Variants in CFAP20DC observed in about 807,000 individuals in gnomAD.
CFAP20DC encodes CFAP20 domain containing.
A neutral mutation model predicts 101.7 loss-of-function variants in CFAP20DC; 84 were observed. That is an observed-to-expected ratio of 0.83 (90% CI 0.69 to 0.99). The LOEUF (loss-of-function observed/expected upper bound fraction) is 0.99. CFAP20DC is among the 50% of genes least tolerant of loss of function. The pLI is 0.00. For missense variants in CFAP20DC, 1,007 were observed against 970.3 expected (o/e 1.04, Z -0.50); for synonymous variants, 359 against 351.2 (o/e 1.02, Z -0.25).
chr3:58,992,502 C>T, intron 4 of CFAP20DC: 1 of 921,414 alleles, frequency 1.1e-6, no homozygotes, highest in Non-Finnish European at 1.3e-6. Flanking sequence ...AAGAAAAAAA[C>T]CTCACCTCGT....
chr3:58,915,467 A>G (rs895659765), intron 5 of CFAP20DC, among the ~76,000 whole-genome samples: 3 of 152,256 alleles, frequency 2.0e-5, no homozygotes, highest in East Asian at 3.9e-4. Flanking sequence ...TCATGCCCCA[A>G]TCTCAACCAT....
intron 2 of CFAP20DC, among the ~76,000 whole-genome samples, 151 bp downstream of exon 2, chr3:59,047,014 T>C (rs935645746): frequency 1.1e-4 from 16 of 152,184 alleles, no homozygotes; most frequent in Non-Finnish European, 1.5e-4. Flanking sequence ...AAGAGTGGTG[T>C]CCAGGACAGC....
intron 7 of CFAP20DC, among the ~76,000 whole-genome samples, chr3:58,881,869 G>A (rs1489916018): frequency 1.3e-5 from 2 of 152,054 alleles, no homozygotes; most frequent in Admixed American, 1.3e-4. Flanking sequence ...GCCTGTCCTT[G>A]GGCATTATTC....
intron 14 of CFAP20DC, among the ~76,000 whole-genome samples, chr3:58,827,528 C>T (rs904745128): frequency 6.6e-5 from 10 of 152,120 alleles, no homozygotes; most frequent in African/African-American, 2.2e-4. Flanking sequence ...GGAGAGACTC[C>T]CCACTGTCCC....
At chr3:58,759,631 T>A (rs377076290) in intron 15 of CFAP20DC, among the ~76,000 whole-genome samples, 67 of 152,310 alleles carry the variant, frequency 4.4e-4, no homozygotes, top group Admixed American at 7.2e-4. Context: ...CTGGATGGTA[T>A]TGCCTAGGTT....
At chr3:59,010,672 G>A (rs1004884752) in intron 4 of CFAP20DC, among the ~76,000 whole-genome samples, 4 of 152,074 alleles carry the variant, frequency 2.6e-5, no homozygotes, top group African/African-American at 9.7e-5. Context: ...AGTCAACAAA[G>A]AAACAATGAA....
intron 4 of CFAP20DC, chr3:58,970,639 G>A (rs981670001): frequency 6.6e-6 from 1 of 152,104 alleles, no homozygotes; most frequent in African/African-American, 2.4e-5. Context: ...AACCAATACA[G>A]TAATTTCCAC....
intron 15 of CFAP20DC, among the ~76,000 whole-genome samples, chr3:58,763,387 A>T (rs938683081): frequency 2.0e-5 from 3 of 152,128 alleles, no homozygotes; most frequent in Non-Finnish European, 4.4e-5. Flanking sequence ...TTTCAGCTCC[A>T]TCAGGTCCTT....
intron 6 of CFAP20DC, among the ~76,000 whole-genome samples, chr3:58,909,032 T>C (rs2083883161): frequency 6.6e-6 from 1 of 152,142 alleles, no homozygotes; most frequent in Non-Finnish European, 1.5e-5. Flanking sequence ...CAGAAGACCT[T>C]TAGGGCAGTG....
intron 4 of CFAP20DC, among the ~76,000 whole-genome samples, chr3:58,943,173 C>T (rs886359350): frequency 4.6e-5 from 7 of 152,174 alleles, no homozygotes; most frequent in Non-Finnish European, 8.8e-5. Context: ...ATGTTCCTGC[C>T]TGCCGGCTCT....
chr3:58,966,986 C>T (rs1298689855), intron 4 of CFAP20DC, among the ~76,000 whole-genome samples: 2 of 152,196 alleles, frequency 1.3e-5, no homozygotes, highest in African/African-American at 2.4e-5. Context: ...TATCAGAATC[C>T]GAGCTGACTT....
chr3:58,862,728 A>T lies in CFAP20DC; in HGVS notation c.1593+830T>A, dbSNP rs538525561. 5.2e-6 allele frequency: 5 copies of T among 964,032 alleles called. No individual in the cohort carries two copies. In the South Asian group the frequency reaches 1.9e-4, roughly 37 times the overall value. 59.7% of individuals were successfully genotyped at this position (964,032 alleles called of 1,614,324 possible). ...AAAAGGTTTTCTAGTTATTTCTATAATTTCTATATAGAAAAGCTTTGTACA... is the reference window on the plus strand; with the variant it reads ...AAAAGGTTTTCTAGTTATTTCTATATTTTCTATATAGAAAAGCTTTGTACA... On this transcript the variant is annotated intron_variant, in intron 12 of 16. Transcript: ENST00000482387.
At chr3:58,782,837 C>T (rs975989325) in intron 15 of CFAP20DC, among the ~76,000 whole-genome samples, 1 of 151,932 alleles carries the variant, frequency 6.6e-6, no homozygotes, top group African/African-American at 2.4e-5. Flanking sequence ...GACTGTAATG[C>T]CAAAAGCAAT....
At chr3:58,759,623 G>A (rs1372146091) in intron 15 of CFAP20DC, among the ~76,000 whole-genome samples, 1 of 152,140 alleles carries the variant, frequency 6.6e-6, no homozygotes, top group Non-Finnish European at 1.5e-5. Context: ...CCTATGTCCT[G>A]GATGGTATTG....
intron 5 of CFAP20DC, among the ~76,000 whole-genome samples, chr3:58,916,457 C>T (rs911436678): frequency 6.6e-6 from 1 of 152,088 alleles, no homozygotes; most frequent in Non-Finnish European, 1.5e-5. Flanking sequence ...TTCTGTCAAC[C>T]TGGACTCATG....
intron 15 of CFAP20DC, among the ~76,000 whole-genome samples, chr3:58,779,434 T>C (rs2071624751): frequency 6.6e-6 from 1 of 152,146 alleles, no homozygotes; most frequent in Non-Finnish European, 1.5e-5. Flanking sequence ...ACTGTAATGA[T>C]AAAATGATCA....
rs186901583 is a variant in CFAP20DC at position 58,977,164 on chromosome 3, T to A, written c.279-39402A>T. 3.7e-3 allele frequency among the ~76,000 whole-genome samples: 568 copies of A among 152,314 alleles called. 3 individuals carry two copies. The highest frequency in any genetic ancestry group is 8.0e-3 in the Admixed American group (122 of 15,296). ...GTTATAGGTTGTTTTGCTTGAAGTC[T>A]CAATTTCTAAGAACCTATTGATGAC... is the stretch of plus-strand genomic sequence containing the variant. On this transcript the variant is annotated intron_variant, in intron 4 of 16. Transcript: ENST00000482387.
At chr3:58,823,731 T>G (rs1575774200) in intron 14 of CFAP20DC, among the ~76,000 whole-genome samples, 1 of 152,232 alleles carries the variant, frequency 6.6e-6, no homozygotes, top group East Asian at 1.9e-4. Flanking sequence ...TATTTAAGTT[T>G]TTGAATAACA....
chr3:59,000,742 G>A (rs1011059381), intron 4 of CFAP20DC, among the ~76,000 whole-genome samples: 1 of 152,136 alleles, frequency 6.6e-6, no homozygotes, highest in Non-Finnish European at 1.5e-5. Context: ...AACACAGAAG[G>A]TTTTGTTCCA....
Sources: gnomAD v4.1 joint callset for allele counts (sites outside exome capture counted in the v4.1 genomes callset) on GRCh38, gnomAD v4.1.1 for gene constraint, MANE v1.5 for transcripts, NCBI Gene and HGNC (gene_info 2026-07-23, HGNC 2026-07-21) for gene names.